The following RRM1 variants were observed in gnomAD, a reference collection of about 807,000 sequenced individuals.
RRM1 encodes ribonucleoside-diphosphate reductase large subunit.
In RRM1, 19 loss-of-function variants were observed where a neutral mutation model predicts 101.5. That is an observed-to-expected ratio of 0.19 (90% CI 0.13 to 0.27). The LOEUF is 0.27. RRM1 is among the 10% of genes least tolerant of loss of function. The probability of loss-of-function intolerance (pLI) is 1.00; values close to 1 mark genes in which losing one functional copy is unlikely to be tolerated. For missense variants in RRM1, 500 were observed against 962.9 expected (o/e 0.52, Z 6.36); for synonymous variants, 298 against 323.4 (o/e 0.92, Z 0.84).
At chr11:4,120,876 G>A (rs750832172) in intron 9 of RRM1, among the ~76,000 whole-genome samples, 9 of 152,122 alleles carry the variant, frequency 5.9e-5, no homozygotes, top group Admixed American at 4.6e-4. Context: ...AAAATTAACC[G>A]GGTGTGGTGG....
rs2094566163 is a variant in RRM1 at position 4,111,951 on chromosome 11, A to G, written c.539A>G (p.Lys180Arg). Residue 180 changes from lysine (K) to arginine (R), a missense_variant, in exon 7 of 19, where the codon AAA becomes AGA. Lys to Arg is a conservative substitution (Grantham distance 26). Transcript: ENST00000300738. ...ATGAGAGTATCTGTTGGGATCCACA[A>G]AGAAGACATTGATGCAGCAATTGAA... ...MLMRVSVGIH[K>R]EDIDAAIETY... 1.2e-5 allele frequency: 19 copies of G among 1,614,152 alleles called. No homozygotes were observed. Among genetic ancestry groups the G allele is most frequent in the Non-Finnish European group, 1.6e-5 (19 of 1,179,974 alleles).
chr11:4,107,506 A>G lies in RRM1; in HGVS notation c.358A>G (p.Thr120Ala). ...ACACTCTCCCATGGTGGCCAAGTCA[A>G]CATTGGATATTGTTCTGGCCAATAA... ...GKHSPMVAKS[T>A]LDIVLANKDR... The change falls in exon 4 of 19, where the codon ACA becomes GCA. Residue 120 changes from threonine to alanine, a missense_variant. Physicochemically the swap from Thr to Ala is moderately conservative, Grantham distance 58. Coordinates refer to ENST00000300738, the MANE Select transcript of RRM1 (RefSeq NM_001033.5). The G allele has an allele frequency of 1.9e-6, 3 of 1,613,266 alleles. No homozygotes were observed. The highest frequency in any genetic ancestry group is 2.5e-6 in the Non-Finnish European group (3 of 1,179,212).
intron 7 of RRM1, among the ~76,000 whole-genome samples, chr11:4,115,849 GCCTGGC>G (rs370432425): frequency 6.6e-6 from 1 of 152,100 alleles, no homozygotes; most frequent in African/African-American, 2.4e-5. Context: ...GAGCCACTGC[GCCTGGC>G]CCTACTTCCA....
intron 14 of RRM1, among the ~76,000 whole-genome samples, chr11:4,128,814 C>A (rs546115518): frequency 2.0e-5 from 3 of 152,114 alleles, no homozygotes; most frequent in Non-Finnish European, 2.9e-5. Flanking sequence ...GTCAGCCACA[C>A]CCTTTTATGA....
chr11:4,114,083 CAA>C (rs2094569260), intron 7 of RRM1, among the ~76,000 whole-genome samples: 1 of 151,884 alleles, frequency 6.6e-6, no homozygotes, highest in Non-Finnish European at 1.5e-5. Flanking sequence ...TGCAGTGAGC[CAA>C]GATCGCGCCA....
Position 4,111,979 on chromosome 11 carries a change from A to G in RRM1, c.567A>G (p.Thr189=). The G allele has an allele frequency of 6.2e-7, 1 of 1,614,094 alleles. No individual in the cohort carries two copies. ...HKEDIDAAIE[T]YNLLSERWFT... ...AAGACATTGATGCAGCAATTGAAAC[A>G]TATAATCTTCTTTCTGAGAGGTGGT... is the stretch of plus-strand genomic sequence containing the variant. Residue 189 remains threonine, a synonymous_variant, in exon 7 of 19, where the codon ACA becomes ACG. Transcript: ENST00000300738.
intron 12 of RRM1, 97 bp downstream of exon 12, chr11:4,123,481 G>A: frequency 1.0e-6 from 1 of 974,888 alleles, no homozygotes; most frequent in Non-Finnish European, 1.6e-6. Context: ...GATAAGTGAA[G>A]GGAGTTTGCA....
At chr11:4,136,706 G>C (rs1395207613) in intron 18 of RRM1, among the ~76,000 whole-genome samples, 1 of 151,944 alleles carries the variant, frequency 6.6e-6, no homozygotes, top group Admixed American at 6.5e-5. Flanking sequence ...ACAGGCATGA[G>C]CCACAGCGCC....
chr11:4,131,341 A>T (rs993348247), intron 15 of RRM1, among the ~76,000 whole-genome samples: 1 of 152,220 alleles, frequency 6.6e-6, no homozygotes, highest in African/African-American at 2.4e-5. Context: ...TGGGAACTAC[A>T]GTTCAAGATG....
chr11:4,105,754 G>A (rs368359788), intron 2 of RRM1: 2 of 397,700 alleles, frequency 5.0e-6, no homozygotes, highest in South Asian at 2.2e-5. Flanking sequence ...GCGGGGCAGG[G>A]TGGTCTTCCT....
chr11:4,117,251 C>T (rs548673910), intron 7 of RRM1, among the ~76,000 whole-genome samples: 10 of 152,222 alleles, frequency 6.6e-5, no homozygotes, highest in Non-Finnish European at 1.0e-4. Flanking sequence ...TAAAGTGAAA[C>T]GTGTATATCT....
intron 4 of RRM1, among the ~76,000 whole-genome samples, chr11:4,108,066 A>G (rs779660553): frequency 1.4e-3 from 209 of 152,336 alleles, no homozygotes; most frequent in Non-Finnish European, 2.5e-3. Flanking sequence ...GCCAATGTGT[A>G]TATGAATTCA....
chr11:4,102,427 G>A (rs945325752), intron 2 of RRM1, among the ~76,000 whole-genome samples: 22 of 152,310 alleles, frequency 1.4e-4, no homozygotes, highest in Admixed American at 9.1e-4. Context: ...GGAGGCTGAG[G>A]TGGGCAGATC....
At chr11:4,119,630 C>A in intron 8 of RRM1, 1 of 483,708 alleles carries the variant, frequency 2.1e-6, no homozygotes, top group South Asian at 2.3e-5. Flanking sequence ...ATTAGAAATG[C>A]CATGAGGTAA....
intron 7 of RRM1, among the ~76,000 whole-genome samples, chr11:4,117,865 G>C (rs2094575864): frequency 6.6e-6 from 1 of 152,194 alleles, no homozygotes; most frequent in African/African-American, 2.4e-5. Flanking sequence ...TCTTTAAAAA[G>C]ACTGTAAAGG....
At chr11:4,108,945 T>G (rs986792976) in intron 4 of RRM1, among the ~76,000 whole-genome samples, 1 of 152,208 alleles carries the variant, frequency 6.6e-6, no homozygotes, top group African/African-American at 2.4e-5. Flanking sequence ...GTCAGTATTT[T>G]GAAAACCTGG....
intron 7 of RRM1, among the ~76,000 whole-genome samples, chr11:4,113,233 T>C (rs2094568020): frequency 6.6e-6 from 1 of 152,194 alleles, no homozygotes. Context: ...AGTTTAATGC[T>C]CTTTCATAAT....
At chr11:4,113,359 G>A (rs146043561) in intron 7 of RRM1, among the ~76,000 whole-genome samples, 73 of 152,242 alleles carry the variant, frequency 4.8e-4, no homozygotes, top group Admixed American at 1.4e-3. Flanking sequence ...GCCTGAGCCA[G>A]CATTGTAAAA....
chr11:4,109,099 C>T (rs545378141), intron 4 of RRM1, among the ~76,000 whole-genome samples: 1 of 152,092 alleles, frequency 6.6e-6, no homozygotes, highest in East Asian at 1.9e-4. Flanking sequence ...TTGTTGGAAA[C>T]TTGTTAAAGG....
Sources: allele counts gnomAD v4.1 joint callset (sites outside exome capture counted in the v4.1 genomes callset), GRCh38; gene constraint gnomAD v4.1.1; transcripts MANE v1.5; gene names NCBI Gene and HGNC (gene_info 2026-07-23, HGNC 2026-07-21).